PTBP3: variants seen among roughly 807,000 people sequenced by gnomAD.
PTBP3 encodes the protein polypyrimidine tract-binding protein 3.
PTBP3 carries 20 observed loss-of-function variants against 58.7 expected under a neutral mutation model. That is an observed-to-expected ratio of 0.34 (90% CI 0.24 to 0.50). PTBP3 has a LOEUF of 0.50. Ranked by LOEUF, PTBP3 falls within the 20% of genes least tolerant of loss-of-function variation. The pLI, the probability that PTBP3 is intolerant of heterozygous loss-of-function variation, is 0.98. For missense variants in PTBP3, 509 were observed against 637.2 expected, an observed-to-expected ratio of 0.80 and a Z score of 2.17; for synonymous variants, 185 against 219.8, an observed-to-expected ratio of 0.84 and a Z score of 1.40.
the PTBP3 span, among the ~76,000 whole-genome samples, chr9:112,373,768 T>C: frequency 6.6e-6 from 1 of 152,200 alleles, no homozygotes; most frequent in African/African-American, 2.4e-5. Context: ...TGTCACATGA[T>C]AAAGGAAAAA....
At chr9:112,313,939 A>T (rs1459400117) in intron 1 of PTBP3, among the ~76,000 whole-genome samples, 1 of 152,234 alleles carries the variant, frequency 6.6e-6, no homozygotes, top group Non-Finnish European at 1.5e-5. Flanking sequence ...TGGGAAAAAA[A>T]GTTCCACAAA....
At position 112,222,667 on chromosome 9, in the gene PTBP3, G is replaced by GCTT. The variant is rs1276941894; in HGVS notation, c.*1183_*1184insAAG. The GCTT allele has an allele frequency of 9.1e-6, 9 of 984,766 alleles. No individual in the cohort carries two copies. Among genetic ancestry groups the GCTT allele is most frequent in the Admixed American group, 1.2e-4 (2 of 16,248 alleles). The allele number at this position is 984,766 out of a possible 1,614,324, so 61.0% of individuals were successfully genotyped here. A position where few individuals can be genotyped will look rare whatever the true frequency, so the allele number is the denominator to read the frequency against. On this transcript the variant is annotated 3_prime_UTR_variant, in exon 14 of 14. Coordinates refer to ENST00000374257, the MANE Select transcript of PTBP3 (RefSeq NM_001163788.4). ...TACTTATTGAAAACCACTTAAAATT[G>GCTT]CAATGAAAAAAATTTTAAATCCTTA...
chr9:112,348,421 C>CTGG, the PTBP3 span, among the ~76,000 whole-genome samples: 5 of 152,202 alleles, frequency 3.3e-5, no homozygotes, highest in Non-Finnish European at 7.3e-5. Context: ...CGGAGCTTAA[C>CTGG]TGGTATATGA....
Position 112,333,609 on chromosome 9 carries a change from G to C in PTBP3, c.-191C>G. 9.0e-7 allele frequency: 1 copy of C among 1,106,898 alleles called. No homozygotes were observed. Among genetic ancestry groups the C allele is most frequent in the South Asian group, 1.4e-5 (1 of 69,298 alleles). 68.6% of individuals were successfully genotyped at this position (1,106,898 alleles called of 1,614,324 possible). A position where few individuals can be genotyped will look rare whatever the true frequency, so the allele number is the denominator to read the frequency against. On this transcript the variant is annotated 5_prime_UTR_variant, in exon 1 of 14. Coordinates refer to ENST00000374257, the MANE Select transcript of PTBP3 (RefSeq NM_001163788.4). ...TGCGGAGCCCCGGCCGGTCCGAGGT[G>C]GAAGGAGAGTGGGAACAGGGGCGGG...
chr9:112,372,010 G>A, the PTBP3 span, among the ~76,000 whole-genome samples: 14 of 152,142 alleles, frequency 9.2e-5, no homozygotes, highest in African/African-American at 3.1e-4. Context: ...ACTGTAAAAA[G>A]GGGGCTGGGT....
chr9:112,242,024 T>G lies in PTBP3; in HGVS notation c.803-7127A>C, dbSNP rs115679768. Among the ~76,000 whole-genome samples, 364 of 152,328 alleles carry G rather than the reference T, an allele frequency of 2.4e-3. 1 individual carries two copies. The highest frequency in any genetic ancestry group is 8.4e-3 in the African/African-American group (348 of 41,568). ...GCATAGAAGGACCACTTTTATCTAT[T>G]CAACTGTTAGTAGAATACTTCTAGA... On this transcript the variant is annotated intron_variant, in intron 7 of 13. Transcript: ENST00000374257.
intron 2 of PTBP3, among the ~76,000 whole-genome samples, chr9:112,276,622 T>C (rs1342392607): frequency 6.6e-6 from 1 of 152,084 alleles, no homozygotes; most frequent in African/African-American, 2.4e-5. Flanking sequence ...AAAATGGAAA[T>C]TTCCAACCCC....
chr9:112,233,920 GCTAT>G (rs1460085041), intron 8 of PTBP3, among the ~76,000 whole-genome samples: 1 of 132,244 alleles, frequency 7.6e-6, no homozygotes, highest in Non-Finnish European at 1.6e-5. Flanking sequence ...AACAGAGTGA[GCTAT>G]CTGTCTCACA....
At chr9:112,275,809 T>C (rs375740000) in intron 3 of PTBP3, 35 bp downstream of exon 3, 1 of 1,524,310 alleles carries the variant, frequency 6.6e-7, no homozygotes, top group African/African-American at 1.4e-5. Flanking sequence ...CATCTGGAGA[T>C]AATCACTCTT....
rs1482654228 is a variant in PTBP3 at position 112,306,474 on chromosome 9, C to G, written c.-51-8558G>C. On this transcript the variant is annotated intron_variant, in intron 1 of 13. Transcript: ENST00000374257. Reference sequence around the variant, plus strand: ...TGTGCCTGGGCAAAAAAAAAAAACACTATTCTTAACCTCTGAATTACCATT... The same window carrying G: ...TGTGCCTGGGCAAAAAAAAAAAACAGTATTCTTAACCTCTGAATTACCATT... 2.0e-5 allele frequency among the ~76,000 whole-genome samples: 3 copies of G among 146,754 alleles called. No homozygotes were observed. The East Asian group carries it at 5.9e-4, about 29-fold the overall frequency.
intron 1 of PTBP3, among the ~76,000 whole-genome samples, chr9:112,301,094 A>C (rs907559343): frequency 2.0e-5 from 3 of 152,300 alleles, no homozygotes; most frequent in Admixed American, 6.5e-5. Context: ...AATGGAAGAA[A>C]GTATTTACAA....
the PTBP3 span, among the ~76,000 whole-genome samples, chr9:112,368,623 G>A: frequency 6.6e-6 from 1 of 152,034 alleles, no homozygotes; most frequent in Non-Finnish European, 1.5e-5. Context: ...CCATACACAT[G>A]GGCCTTCCCA....
intron 2 of PTBP3, chr9:112,281,356 T>C (rs1328129960): frequency 6.6e-6 from 1 of 152,630 alleles, no homozygotes; most frequent in Admixed American, 6.5e-5. Flanking sequence ...CGTTCTACTC[T>C]TTTCAACCAA....
At chr9:112,298,805 C>A (rs998737508) in intron 1 of PTBP3, among the ~76,000 whole-genome samples, 5 of 152,126 alleles carry the variant, frequency 3.3e-5, no homozygotes, top group Non-Finnish European at 7.4e-5. Context: ...GACAAACCAC[C>A]AATATATCTA....
rs1346402663 is a variant in PTBP3 at position 112,228,469 on chromosome 9, A to G, written c.1058T>C (p.Val353Ala). The G allele has an allele frequency of 6.3e-7, 1 of 1,579,966 alleles. No homozygotes were observed. Among genetic ancestry groups the G allele is most frequent in the East Asian group, 2.3e-5 (1 of 44,248 alleles). ...TPHGLFILFGVYGDVHRVKIM... is the reference protein window; with the variant it reads ...TPHGLFILFGAYGDVHRVKIM... ...CTTCACTCGATGTACATCACCATAG[A>G]CTCCTAATTAAAACAAAACAAAACA... The change falls in exon 11 of 14, where the codon GTC becomes GCC. Residue 353 changes from valine to alanine, a missense_variant. Coordinates refer to ENST00000374257, the MANE Select transcript of PTBP3 (RefSeq NM_001163788.4).
rs6575 is a variant in PTBP3 at position 112,218,687 on chromosome 9, T to C, written c.*5164A>G. 0.53 allele frequency: 81,116 copies of C among 152,508 alleles called. 22,521 individuals carry two copies. Among genetic ancestry groups the C allele is most frequent in the African/African-American group, 0.71 (29,258 of 41,468 alleles). The allele number at this position is 152,508 out of a possible 1,614,324, so 9.4% of individuals were successfully genotyped here. On this transcript the variant is annotated 3_prime_UTR_variant, in exon 14 of 14. Transcript: ENST00000374257. ...TTCAACAATCACAGACTCCTTTTTT[T>C]CCAATGCCACAGACTGTTACAAATG... is the stretch of plus-strand genomic sequence containing the variant.
intron 1 of PTBP3, among the ~76,000 whole-genome samples, chr9:112,331,224 T>C (rs1830362099): frequency 1.3e-5 from 2 of 152,118 alleles, no homozygotes; most frequent in African/African-American, 4.8e-5. Flanking sequence ...AAGGATCTTT[T>C]TCAGGCTGTT....
intron 1 of PTBP3, among the ~76,000 whole-genome samples, chr9:112,300,069 T>C (rs1538770): frequency 0.54 from 81,446 of 152,102 alleles, 22,922 homozygotes; most frequent in African/African-American, 0.72. Context: ...TGAAATACTG[T>C]AAAATTAAAA....
chr9:112,228,052 T>C (rs1021642672), intron 11 of PTBP3, among the ~76,000 whole-genome samples: 2 of 152,130 alleles, frequency 1.3e-5, no homozygotes, highest in Admixed American at 1.3e-4. Context: ...AGCCACTCAG[T>C]GGTTACAGAA....
Sources: allele counts gnomAD v4.1 joint callset (sites outside exome capture counted in the v4.1 genomes callset), GRCh38; gene constraint gnomAD v4.1.1; transcripts MANE v1.5; gene names NCBI Gene and HGNC (gene_info 2026-07-23, HGNC 2026-07-21).